CTNNA3: variants seen among roughly 807,000 people sequenced by gnomAD.
The protein encoded by CTNNA3 is catenin alpha-3.
In CTNNA3, 76 loss-of-function variants were observed where a neutral mutation model predicts 95.7. The ratio of observed to expected loss-of-function variants is 0.79; its 90% CI spans 0.66 to 0.96. The LOEUF (loss-of-function observed/expected upper bound fraction) is 0.96. CTNNA3 is among the 40% of genes least tolerant of loss of function. The pLI is 0.00. For synonymous variants in CTNNA3, 431 were observed against 374.4 expected (o/e 1.15, Z -1.74); for missense variants, 1,191 against 1,089.8 (o/e 1.09, Z -1.31).
chr10:66,015,265 A>G (rs35180517), intron 15 of CTNNA3, among the ~76,000 whole-genome samples: 11,608 of 152,160 alleles, frequency 0.076, 560 homozygotes, highest in Non-Finnish European at 0.12. Context: ...ATCAACACCT[A>G]ATAGACTAGT....
intron 11 of CTNNA3, among the ~76,000 whole-genome samples, chr10:66,423,660 G>C (rs989425472): frequency 2.0e-5 from 3 of 152,100 alleles, no homozygotes; most frequent in Non-Finnish European, 4.4e-5. Context: ...TCTGATCAGA[G>C]ACATTACAAC....
intron 1 of CTNNA3, among the ~76,000 whole-genome samples, chr10:67,742,236 A>T (rs1194016314): frequency 6.6e-6 from 1 of 151,296 alleles, no homozygotes; most frequent in East Asian, 1.9e-4. Flanking sequence ...TCCAAAATTT[A>T]CCACATAGTT....
intron 11 of CTNNA3, among the ~76,000 whole-genome samples, chr10:66,428,624 G>A (rs1255139496): frequency 6.8e-6 from 1 of 146,410 alleles, no homozygotes; most frequent in Admixed American, 7.0e-5. Flanking sequence ...CAACTACATG[G>A]AAACTGAACA....
chr10:66,731,783 A>G (rs967830540), intron 9 of CTNNA3, among the ~76,000 whole-genome samples: 3 of 152,188 alleles, frequency 2.0e-5, no homozygotes, highest in East Asian at 1.9e-4. Flanking sequence ...TTTGCTACCA[A>G]CAATGGTTTA....
intron 10 of CTNNA3, among the ~76,000 whole-genome samples, chr10:66,532,210 C>T (rs560501726): frequency 6.6e-6 from 1 of 152,218 alleles, no homozygotes; most frequent in African/African-American, 2.4e-5. Context: ...CACCTGTAAT[C>T]CCAGCCTTTT....
intron 12 of CTNNA3, among the ~76,000 whole-genome samples, 158 bp downstream of exon 12, chr10:66,378,993 TA>T (rs1432572818): frequency 6.6e-6 from 1 of 152,228 alleles, no homozygotes; most frequent in Admixed American, 6.5e-5. Flanking sequence ...TTCTCAGTGA[TA>T]AATTTCAAAT....
intron 5 of CTNNA3, among the ~76,000 whole-genome samples, chr10:67,345,906 T>G (rs1416307562): frequency 1.3e-5 from 2 of 152,138 alleles, no homozygotes; most frequent in Non-Finnish European, 2.9e-5. Context: ...TTCTCTTCCT[T>G]CTTTCTTCCC....
At chr10:66,498,898 A>G (rs1332516520) in intron 11 of CTNNA3, among the ~76,000 whole-genome samples, 1 of 152,142 alleles carries the variant, frequency 6.6e-6, no homozygotes, top group Non-Finnish European at 1.5e-5. Flanking sequence ...AAACAGAGTA[A>G]ATTTTGCCCT....
intron 5 of CTNNA3, among the ~76,000 whole-genome samples, chr10:67,285,915 G>C (rs1428835916): frequency 6.6e-6 from 1 of 152,128 alleles, no homozygotes; most frequent in Non-Finnish European, 1.5e-5. Flanking sequence ...AACAAAGCTT[G>C]TTAAGAAAAG....
intron 9 of CTNNA3, among the ~76,000 whole-genome samples, chr10:66,750,197 A>C (rs938222666): frequency 3.3e-5 from 5 of 152,294 alleles, no homozygotes; most frequent in African/African-American, 4.8e-5. Context: ...TATCTTTTGC[A>C]GAACAGATTG....
intron 5 of CTNNA3, among the ~76,000 whole-genome samples, chr10:67,502,557 A>G (rs1302708199): frequency 6.6e-6 from 1 of 152,150 alleles, no homozygotes; most frequent in Non-Finnish European, 1.5e-5. Flanking sequence ...AGTCTGCTGA[A>G]TCTGTGCCCA....
intron 5 of CTNNA3, among the ~76,000 whole-genome samples, chr10:67,463,462 A>C (rs915478817): frequency 7.9e-5 from 12 of 152,214 alleles, no homozygotes; most frequent in African/African-American, 2.9e-4. Flanking sequence ...TTATCAGCTC[A>C]AAAAGGACAT....
At chr10:67,480,825 T>C (rs191247646) in intron 5 of CTNNA3, among the ~76,000 whole-genome samples, 18 of 152,244 alleles carry the variant, frequency 1.2e-4, no homozygotes, top group African/African-American at 3.6e-4. Context: ...CTAACGCCGC[T>C]GGGTTGGGGT....
chr10:66,397,637 T>C (rs976997043), intron 11 of CTNNA3, among the ~76,000 whole-genome samples: 4 of 151,808 alleles, frequency 2.6e-5, no homozygotes, highest in Non-Finnish European at 5.9e-5. Context: ...CTCACTGTCT[T>C]TGCTTTAAAA....
intron 7 of CTNNA3, among the ~76,000 whole-genome samples, chr10:67,119,809 AGGTAT>A (rs1028811189): frequency 1.3e-5 from 2 of 151,860 alleles, no homozygotes; most frequent in Non-Finnish European, 2.9e-5. Flanking sequence ...TCATTCTCTA[AGGTAT>A]GTGACACATC....
At chr10:67,298,333 A>G (rs2132488236) in intron 5 of CTNNA3, among the ~76,000 whole-genome samples, 2 of 152,344 alleles carry the variant, frequency 1.3e-5, no homozygotes, top group Admixed American at 1.3e-4. Flanking sequence ...TGTCTCACCA[A>G]GCATTGTGCT....
Position 67,028,820 on chromosome 10 carries a change from A to G in CTNNA3, c.1047+151497T>C, listed in dbSNP as rs564628625. The stretch of plus-strand genomic sequence containing the variant: ...TCCCAAGCATTCTACAAGTAATTAC[A>G]TTAGGAAGATAGGAAATCCCTGAGT... On this transcript the variant is annotated intron_variant, in intron 7 of 17. Coordinates refer to ENST00000433211, the MANE Select transcript of CTNNA3 (RefSeq NM_013266.4). Among the ~76,000 whole-genome samples the G allele has an allele frequency of 4.6e-5, 7 of 152,298 alleles. No individual in the cohort carries two copies. In the South Asian group the frequency reaches 1.4e-3, roughly 32 times the overall value.
intron 3 of CTNNA3, among the ~76,000 whole-genome samples, chr10:67,544,903 G>C (rs998563595): frequency 3.9e-5 from 6 of 152,150 alleles, no homozygotes; most frequent in Admixed American, 1.3e-4. Flanking sequence ...TCAGAGAAGA[G>C]AGATAGCCAG....
Position 67,219,600 on chromosome 10 carries a change from G to T in CTNNA3, c.843+7C>A. 6.8e-6 allele frequency: 11 copies of T among 1,607,692 alleles called. No individual in the cohort carries two copies. Among genetic ancestry groups the T allele is most frequent in the Non-Finnish European group, 9.4e-6 (11 of 1,175,900 alleles). ...TCAGATCACACTTTATCTTTCTCCCGACTTACCTCCAGCTCATCAAGGGCA... is the reference window on the plus strand; with the variant it reads ...TCAGATCACACTTTATCTTTCTCCCTACTTACCTCCAGCTCATCAAGGGCA... On this transcript the variant is annotated splice_region_variant and intron_variant, in intron 6 of 17. Transcript: ENST00000433211.
Sources: allele counts gnomAD v4.1 joint callset (sites outside exome capture counted in the v4.1 genomes callset), GRCh38; gene constraint gnomAD v4.1.1; transcripts MANE v1.5; gene names NCBI Gene and HGNC (gene_info 2026-07-23, HGNC 2026-07-21).